GUCY2D: variants seen among roughly 807,000 people sequenced by gnomAD.
GUCY2D encodes guanylate cyclase 2D, retinal, also known as retinal guanylyl cyclase 1.
Under a neutral mutation model 101.3 loss-of-function variants are expected in GUCY2D, and 70 were observed. The observed-to-expected ratio is 0.69, with a 90% CI of 0.57 to 0.84. GUCY2D has a LOEUF of 0.84. GUCY2D is among the 40% of genes least tolerant of loss of function. The probability of loss-of-function intolerance (pLI) is 0.00; values close to 1 mark genes in which losing one functional copy is unlikely to be tolerated. For missense variants in GUCY2D, 1,460 were observed against 1,542.5 expected (o/e 0.95, Z 0.90); for synonymous variants, 688 against 670.7 (o/e 1.03, Z -0.40).
rs756210907 is a variant in GUCY2D at position 8,006,527 on chromosome 17, C to T, written c.1191C>T (p.Asp397=). 7 of 1,611,350 alleles carry T rather than the reference C, an allele frequency of 4.3e-6. No individual in the cohort carries two copies. In the South Asian group the frequency reaches 4.4e-5, roughly 10 times the overall value. ...VPGFCGDLGG[D]EEPPFVLLDT... Reference sequence around the variant, plus strand: ...GCTTCTGCGGGGACCTAGGAGGAGACGAGGAGCCCCCATTCGTGCTGCTAG... The same window carrying T: ...GCTTCTGCGGGGACCTAGGAGGAGATGAGGAGCCCCCATTCGTGCTGCTAG... The change falls in exon 4 of 20, where the codon GAC becomes GAT. Residue 397 remains aspartate (D), a synonymous_variant. Transcript: ENST00000254854.
At chr17:8,006,281 C>T in intron 3 of GUCY2D, 82 bp from the exon 4 acceptor site, 1 of 1,062,718 alleles carries the variant, frequency 9.4e-7, no homozygotes, top group Non-Finnish European at 1.4e-6. Context: ...AGTGGATACC[C>T]TGGGCTTGAC....
Position 8,015,790 on chromosome 17 carries a change from C to T in GUCY2D, c.2992C>T (p.Leu998=). Residue 998 remains leucine, a synonymous_variant, in exon 16 of 20, where the codon CTG becomes TTG. Transcript: ENST00000254854. Reference sequence around the variant, plus strand: ...GGGCCTCACCATGCCGCGGTACTGCCTGTTTGGGGACACGGTCAACACCGC... The same window carrying T: ...GGGCCTCACCATGCCGCGGTACTGCTTGTTTGGGGACACGGTCAACACCGC... ...VVGLTMPRYC[L]FGDTVNTASR... 5.6e-6 allele frequency: 9 copies of T among 1,612,892 alleles called. No individual in the cohort carries two copies. The highest frequency in any genetic ancestry group is 1.3e-5 in the African/African-American group (1 of 75,024).
intron 3 of GUCY2D, among the ~76,000 whole-genome samples, chr17:8,005,392 C>T (rs1975718172): frequency 6.6e-6 from 1 of 152,168 alleles, no homozygotes; most frequent in South Asian, 2.1e-4. Flanking sequence ...GCTTCTGTTG[C>T]CCTGGATAGA....
intron 4 of GUCY2D, 82 bp from the exon 5 acceptor site, chr17:8,006,978 G>T (rs9914315): frequency 1.7e-6 from 2 of 1,159,940 alleles, no homozygotes; most frequent in Admixed American, 1.7e-5. Context: ...TCCTGGAGGG[G>T]CCAGCATGTG....
At position 8,004,826 on chromosome 17, in the gene GUCY2D, G is replaced by A. The variant is rs578216431; in HGVS notation, c.1026+670G>A. 2.6e-5 allele frequency among the ~76,000 whole-genome samples: 4 copies of A among 152,286 alleles called. No homozygotes were observed. In the South Asian group the frequency reaches 6.2e-4, roughly 24 times the overall value. ...CACCACAAAGGTCCAACTCACAGGCGGCTGCATGAGAGAAGGGTCGTAGGG... is the reference window on the plus strand; with the variant it reads ...CACCACAAAGGTCCAACTCACAGGCAGCTGCATGAGAGAAGGGTCGTAGGG... On this transcript the variant is annotated intron_variant, in intron 3 of 19. Coordinates refer to ENST00000254854, the MANE Select transcript of GUCY2D (RefSeq NM_000180.4).
Position 8,012,241 on chromosome 17 carries a change from C to T in GUCY2D, c.1847C>T (p.Ala616Val), listed in dbSNP as rs1257463885. The T allele has an allele frequency of 3.7e-6, 6 of 1,613,812 alleles. No homozygotes were observed. Among genetic ancestry groups the T allele is most frequent in the Admixed American group, 3.3e-5 (2 of 60,002 alleles). ...GPAALWEGNLAVVSEHCTRGS... is the reference protein window; with the variant it reads ...GPAALWEGNLVVVSEHCTRGS... ...GCGGCCCTCTGGGAGGGCAACCTGG[C>T]TGTGGTCTCAGAGCACTGCACGCGG... The change falls in exon 9 of 20, where the codon GCT becomes GTT. Residue 616 changes from alanine (A) to valine (V), a missense_variant. Ala to Val is a moderately conservative substitution (Grantham distance 64). This residue lies in a region of GUCY2D where 1,196 missense variants were observed against 1,229.6 expected (regional missense o/e 0.97). Coordinates refer to ENST00000254854, the MANE Select transcript of GUCY2D (RefSeq NM_000180.4).
At chr17:8,015,163 C>T (rs1234817672) in intron 14 of GUCY2D, 112 bp downstream of exon 14, 3 of 1,122,008 alleles carry the variant, frequency 2.7e-6, no homozygotes, top group African/African-American at 3.1e-5. Context: ...TCTTCTTTCC[C>T]AGACCTCCTG....
rs772890193 is a variant in GUCY2D at position 8,014,901 on chromosome 17, C to T, written c.2619C>T (p.Pro873=). ...TGAAGACGGGGACACCAGTGGAGCC[C>T]GAGTACTTTGAGCAAGTGACACTGT... is the stretch of plus-strand genomic sequence containing the variant. ...EALKTGTPVE[P]EYFEQVTLYF... is the part of the protein sequence containing the mutation. The change falls in exon 14 of 20, where the codon CCC becomes CCT. Residue 873 remains proline (P), a synonymous_variant. Transcript: ENST00000254854. This position sits in a 1 kb window ranked among gnomAD's most constrained non-coding sequence, Gnocchi z 4.0. 13 of 1,613,960 alleles carry T rather than the reference C, an allele frequency of 8.1e-6. No homozygotes were observed. Among genetic ancestry groups the T allele is most frequent in the Admixed American group, 5.0e-5 (3 of 59,996 alleles).
intron 8 of GUCY2D, 30 bp downstream of exon 8, chr17:8,009,616 G>T: frequency 2.8e-6 from 4 of 1,434,606 alleles, no homozygotes; most frequent in Non-Finnish European, 3.9e-6. Flanking sequence ...TGGGGCCTAG[G>T]TGGCCATCGG....
chr17:8,005,102 G>A lies in GUCY2D; in HGVS notation c.1026+946G>A, dbSNP rs534195509. 1.4e-4 allele frequency among the ~76,000 whole-genome samples: 22 copies of A among 152,196 alleles called. 1 individual carries two copies. The South Asian group carries it at 1.9e-3, about 13-fold the overall frequency. On this transcript the variant is annotated intron_variant, in intron 3 of 19. Transcript: ENST00000254854. ...GCCCAAACTGCGCAAGCCTCTGAGC[G>A]TGTGAGTCACCCTTGATTCCTTGAA...
In GUCY2D at chr17:8,012,455, AAGGTATCTGCACCATCG is replaced by A; in HGVS notation, c.1966_1982del (p.Tyr656ArgfsTer23). On this transcript the variant is annotated frameshift_variant, in exon 10 of 20. Transcript: ENST00000254854. LOFTEE classifies it high-confidence loss of function. ...CTTACCCTACCCATTCCAAGGGAAT[AAGGTATCTGCACCATCG>A]AGGCGTGGCTCATGGGCGGCTGAAG... 4.3e-6 allele frequency: 7 copies of A among 1,614,046 alleles called. No individual in the cohort carries two copies. Among genetic ancestry groups the A allele is most frequent in the Non-Finnish European group, 5.9e-6 (7 of 1,179,958 alleles).
chr17:8,003,679 C>A lies in GUCY2D; in HGVS notation c.632C>A (p.Pro211His). The change falls in exon 2 of 20, where the codon CCT becomes CAT. Residue 211 changes from proline (P) to histidine (H), a missense_variant. By Grantham distance (77) the Pro-to-His change is moderately conservative. Transcript: ENST00000254854. ...LSTALRARGL[P>H]VASVTSMEPL... is the part of the protein sequence containing the mutation. ...ACGGCACTCAGGGCCCGGGGCCTGC[C>A]TGTCGCCTCCGTGACTTCCATGGAG... 6.3e-7 allele frequency: 1 copy of A among 1,596,852 alleles called. No homozygotes were observed. Among genetic ancestry groups the A allele is most frequent in the Non-Finnish European group, 8.5e-7 (1 of 1,178,920 alleles).
rs371176908 is a variant in GUCY2D, at chr17:8,011,857, C to T, written c.1750-287C>T. Among the ~76,000 whole-genome samples the T allele has an allele frequency of 1.3e-4, 20 of 152,270 alleles. No homozygotes were observed. The East Asian group carries it at 3.9e-3, about 29-fold the overall frequency. On this transcript the variant is annotated intron_variant, in intron 8 of 19. Coordinates refer to ENST00000254854, the MANE Select transcript of GUCY2D (RefSeq NM_000180.4). The surrounding 1 kb of genome is among the most constrained non-coding windows in gnomAD (Gnocchi z 4.3). Reference sequence around the variant, plus strand: ...AAAAAAAGGCTTATGATCAATAAATCCGAACCTGCCTGGGTCCTGATCACC... The same window carrying T: ...AAAAAAAGGCTTATGATCAATAAATTCGAACCTGCCTGGGTCCTGATCACC...
chr17:8,016,111 C>A, intron 17 of GUCY2D, 90 bp downstream of exon 17: 1 of 1,355,702 alleles, frequency 7.4e-7, no homozygotes, highest in Non-Finnish European at 1.0e-6. Context: ...TCAGCTCACC[C>A]TTCTGACCTG....
chr17:8,012,173 CCTCT>C lies in GUCY2D; in HGVS notation c.1780_1783del (p.Leu594ThrfsTer42). Reference sequence around the variant, plus strand: ...AGGAGCTCCGGCATGAGAACGTGGCCCTCTACCTGGGGCTTTTCCTGGCTCGGGG... The same window carrying C: ...AGGAGCTCCGGCATGAGAACGTGGCCACCTGGGGCTTTTCCTGGCTCGGGG... On this transcript the variant is annotated frameshift_variant, in exon 9 of 20. Coordinates refer to ENST00000254854, the MANE Select transcript of GUCY2D (RefSeq NM_000180.4). LOFTEE classifies it high-confidence loss of function. 6 of 1,614,008 alleles carry C rather than the reference CCTCT, an allele frequency of 3.7e-6. No individual in the cohort carries two copies. Among genetic ancestry groups the C allele is most frequent in the Non-Finnish European group, 5.1e-6 (6 of 1,179,960 alleles).
chr17:8,004,229 G>A, intron 3 of GUCY2D, 73 bp downstream of exon 3: 2 of 1,340,124 alleles, frequency 1.5e-6, no homozygotes, highest in Non-Finnish European at 2.0e-6. Flanking sequence ...AGAGGAGGAT[G>A]CAGCCAATGG....
chr17:8,003,848 G>T lies in GUCY2D; in HGVS notation c.722-4G>T. 4 of 1,611,286 alleles carry T rather than the reference G, an allele frequency of 2.5e-6. No homozygotes were observed. The highest frequency in any genetic ancestry group is 1.1e-5 in the South Asian group (1 of 91,014). On this transcript the variant is annotated splice_polypyrimidine_tract_variant and splice_region_variant and intron_variant, in intron 2 of 19. Coordinates refer to ENST00000254854, the MANE Select transcript of GUCY2D (RefSeq NM_000180.4). Reference sequence around the variant, plus strand: ...GGCGCCGCGAGCCAAGCCTCTGTCCGCAGCAGTGATCATGGTGATGCACTC... The same window carrying T: ...GGCGCCGCGAGCCAAGCCTCTGTCCTCAGCAGTGATCATGGTGATGCACTC...
At chr17:8,005,776 T>C (rs1361607863) in intron 3 of GUCY2D, among the ~76,000 whole-genome samples, 1 of 152,240 alleles carries the variant, frequency 6.6e-6, no homozygotes, top group Admixed American at 6.5e-5. Context: ...GATACATCTT[T>C]AGTGCTCTGC....
Position 8,006,633 on chromosome 17 carries a change from C to G in GUCY2D, c.1297C>G (p.Arg433Gly), listed in dbSNP as rs769749617. 40 of 1,612,738 alleles carry G rather than the reference C, an allele frequency of 2.5e-5. No homozygotes were observed. In the African/African-American group the frequency reaches 4.7e-4, roughly 19 times the overall value. Residue 433 changes from arginine (R) to glycine (G), a missense_variant, in exon 4 of 20, where the codon CGG (arginine) becomes GGG (glycine). By Grantham distance (125) the Arg-to-Gly change is moderately radical. Around this residue, in one of 3 missense-constraint regions of GUCY2D, gnomAD observed 1,196 missense variants for 1,229.6 expected, o/e 0.97. Transcript: ENST00000254854. ...ARGSFLSAGTRMHFPRGGSAP... is the reference protein window; with the variant it reads ...ARGSFLSAGTGMHFPRGGSAP... ...GGGCTCCTTCCTCTCCGCCGGTACC[C>G]GGATGCACTTCCCGCGTGGGGGATC... is the stretch of plus-strand genomic sequence containing the variant.
Sources: allele counts gnomAD v4.1 joint callset (sites outside exome capture counted in the v4.1 genomes callset), GRCh38; gene constraint gnomAD v4.1.1; regional missense constraint gnomAD v4.1.1; non-coding constraint Gnocchi (gnomAD v3.1); transcripts MANE v1.5; gene names NCBI Gene and HGNC (gene_info 2026-07-23, HGNC 2026-07-21).